Variants in COL4A2 observed in about 807,000 individuals in gnomAD.
The protein encoded by COL4A2 is collagen type IV alpha 2 chain, also known as collagen alpha-2(IV) chain.
A neutral mutation model predicts 200.2 loss-of-function variants in COL4A2; 99 were observed. That is an observed-to-expected ratio of 0.49 (90% CI 0.42 to 0.58). The LOEUF is 0.58. Ranked by LOEUF, COL4A2 falls within the 20% of genes least tolerant of loss-of-function variation. The pLI is 0.00. For missense variants in COL4A2, 1,950 were observed against 2,314.1 expected, an observed-to-expected ratio of 0.84 and a Z score of 3.23; for synonymous variants, 897 against 900.6, an observed-to-expected ratio of 1.00 and a Z score of 0.07.
chr13:110,378,261 G>A (rs1415084828), intron 4 of COL4A2, among the ~76,000 whole-genome samples: 1 of 152,184 alleles, frequency 6.6e-6, no homozygotes, highest in African/African-American at 2.4e-5. Flanking sequence ...AGGATTTGCT[G>A]CTCAAATCAT....
At chr13:110,494,542 A>G (rs1883390246) in intron 39 of COL4A2, among the ~76,000 whole-genome samples, 1 of 151,552 alleles carries the variant, frequency 6.6e-6, no homozygotes, top group African/African-American at 2.4e-5. Context: ...ATTTATACAA[A>G]TTATTTATGT....
chr13:110,376,320 A>T (rs1474179084), intron 4 of COL4A2, among the ~76,000 whole-genome samples: 1 of 152,162 alleles, frequency 6.6e-6, no homozygotes, highest in African/African-American at 2.4e-5. Flanking sequence ...GAGCGTCAGA[A>T]GGTCGGAGCC....
intron 22 of COL4A2, chr13:110,461,885 C>G: frequency 1.6e-6 from 1 of 607,584 alleles, no homozygotes; most frequent in Non-Finnish European, 2.9e-6. Flanking sequence ...GTTCCTCAGT[C>G]CCACCATCCG....
At chr13:110,326,169 T>C (rs1885405876) in intron 3 of COL4A2, among the ~76,000 whole-genome samples, 1 of 152,208 alleles carries the variant, frequency 6.6e-6, no homozygotes, top group South Asian at 2.1e-4. Flanking sequence ...ACCTCGGAGT[T>C]CAAATTCATC....
At chr13:110,426,133 G>A (rs1010891591) in intron 6 of COL4A2, among the ~76,000 whole-genome samples, 5 of 152,142 alleles carry the variant, frequency 3.3e-5, no homozygotes, top group Admixed American at 6.5e-5. Context: ...AACAAATTAG[G>A]AAAGTATTTT....
chr13:110,317,013 CACAG>C (rs1313143740), intron 3 of COL4A2, among the ~76,000 whole-genome samples: 2 of 152,000 alleles, frequency 1.3e-5, no homozygotes, highest in Admixed American at 6.6e-5. Context: ...CTCACACACA[CACAG>C]ACACACAGAT....
At chr13:110,502,708 G>A (rs1349206623) in intron 41 of COL4A2, 1 of 162,838 alleles carries the variant, frequency 6.1e-6, no homozygotes, top group African/African-American at 2.4e-5. Context: ...AGTGAAAGAA[G>A]CCAGTCACAA....
chr13:110,479,729 G>C (rs1163921409), intron 30 of COL4A2, among the ~76,000 whole-genome samples: 1 of 152,174 alleles, frequency 6.6e-6, no homozygotes, highest in Admixed American at 6.5e-5. Context: ...AGCTGTGGGC[G>C]GGAGCTGCCA....
intron 3 of COL4A2, among the ~76,000 whole-genome samples, chr13:110,314,633 G>A (rs774844259): frequency 3.3e-5 from 5 of 152,172 alleles, no homozygotes; most frequent in Admixed American, 6.5e-5. Flanking sequence ...GGAAGTGGCC[G>A]CTCCGTTGTT....
intron 16 of COL4A2, among the ~76,000 whole-genome samples, chr13:110,442,393 A>G (rs963286143): frequency 5.3e-5 from 8 of 152,342 alleles, no homozygotes; most frequent in African/African-American, 1.9e-4. Flanking sequence ...GCTTGTGAGC[A>G]CCGATCTGCA....
chr13:110,512,265 G>T lies in COL4A2; in HGVS notation c.*74G>T. 6.9e-7 allele frequency: 1 copy of T among 1,459,838 alleles called. No homozygotes were observed. The highest frequency in any genetic ancestry group is 1.3e-5 in the South Asian group (1 of 75,498). 90.4% of individuals were successfully genotyped at this position (1,459,838 alleles called of 1,614,324 possible). The stretch of plus-strand genomic sequence containing the variant: ...TACCTCAGGTGCCAACCCAAAAATT[G>T]GTTTTATTTTTTTCTTAAAAAAAAA... On this transcript the variant is annotated 3_prime_UTR_variant, in exon 48 of 48. Coordinates refer to ENST00000360467, the MANE Select transcript of COL4A2 (RefSeq NM_001846.4).
intron 32 of COL4A2, among the ~76,000 whole-genome samples, chr13:110,483,836 G>A (rs1263533206): frequency 2.0e-5 from 3 of 152,192 alleles, no homozygotes; most frequent in Non-Finnish European, 4.4e-5. Flanking sequence ...CAAGTTAGAC[G>A]GTGCTGCTTG....
chr13:110,321,514 A>G (rs1030963689), intron 3 of COL4A2, among the ~76,000 whole-genome samples: 2 of 152,094 alleles, frequency 1.3e-5, no homozygotes, highest in African/African-American at 2.4e-5. Context: ...CTGTTAATCT[A>G]TTCTACTTTC....
At chr13:110,365,731 T>C (rs1877717953) in intron 4 of COL4A2, among the ~76,000 whole-genome samples, 1 of 152,220 alleles carries the variant, frequency 6.6e-6, no homozygotes, top group Admixed American at 6.5e-5. Context: ...CCCCGGTTCA[T>C]TGACTCCTTC....
chr13:110,490,549 C>G (rs1385594666), intron 36 of COL4A2, among the ~76,000 whole-genome samples: 1 of 152,102 alleles, frequency 6.6e-6, no homozygotes. Context: ...AGAGAACCGC[C>G]GCTGGGAAAT....
intron 20 of COL4A2, among the ~76,000 whole-genome samples, chr13:110,451,070 G>A (rs1179275782): frequency 6.6e-6 from 1 of 152,216 alleles, no homozygotes; most frequent in Non-Finnish European, 1.5e-5. Context: ...GCACAGGAGT[G>A]TGGACCCACC....
intron 3 of COL4A2, among the ~76,000 whole-genome samples, chr13:110,330,117 A>G (rs1234967673): frequency 6.6e-6 from 1 of 152,204 alleles, no homozygotes; most frequent in Non-Finnish European, 1.5e-5. Context: ...AATGAGTTTT[A>G]CCATTAAGGA....
In COL4A2 at chr13:110,397,078, G is replaced by A. The variant is rs377712858; in HGVS notation, c.181-27656G>A. 3.6e-4 allele frequency among the ~76,000 whole-genome samples: 55 copies of A among 152,258 alleles called. No individual in the cohort carries two copies. The South Asian group carries it at 8.3e-3, about 23-fold the overall frequency. On this transcript the variant is annotated intron_variant, in intron 4 of 47. Transcript: ENST00000360467. The stretch of plus-strand genomic sequence containing the variant: ...TTGGTCATAACGTTGCTCAAGGCCC[G>A]AGCAGGCCTGCCAAGACCACAGTGT...
Position 110,484,847 on chromosome 13 carries a change from G to A in COL4A2, c.2903-58G>A, listed in dbSNP as rs925615307. ...TGGCTCAGGGACCAGGCCTTCACCT[G>A]TGTTCTCCTGCGTGGTCTGGAGCCC... On this transcript the variant is annotated intron_variant, in intron 32 of 47. Coordinates refer to ENST00000360467, the MANE Select transcript of COL4A2 (RefSeq NM_001846.4). 1.4e-5 allele frequency: 21 copies of A among 1,527,050 alleles called. No individual in the cohort carries two copies. In the African/African-American group the frequency reaches 2.8e-4, roughly 20 times the overall value. The allele number at this position is 1,527,050 out of a possible 1,614,324, so 94.6% of individuals were successfully genotyped here.
Sources: allele counts gnomAD v4.1 joint callset (sites outside exome capture counted in the v4.1 genomes callset), GRCh38; gene constraint gnomAD v4.1.1; transcripts MANE v1.5; gene names NCBI Gene and HGNC (gene_info 2026-07-23, HGNC 2026-07-21).